Variants in RTN4RL2 observed in about 807,000 individuals in gnomAD.
RTN4RL2 encodes reticulon 4 receptor like 2.
RTN4RL2 carries 9 observed loss-of-function variants against 27.8 expected under a neutral mutation model. The ratio of observed to expected loss-of-function variants is 0.32; its 90% confidence interval spans 0.20 to 0.57. The LOEUF (loss-of-function observed/expected upper bound fraction) is 0.57. Among genes scored for constraint, RTN4RL2 ranks in the 20% least tolerant of loss-of-function variants. The pLI is 0.90. For missense variants in RTN4RL2, 436 were observed against 596.8 expected, an observed-to-expected ratio of 0.73 and a Z score of 2.81; for synonymous variants, 285 against 297.9, an observed-to-expected ratio of 0.96 and a Z score of 0.45.
At chr11:57,469,232 C>T (rs1943547194) in intron 2 of RTN4RL2, among the ~76,000 whole-genome samples, 1 of 152,216 alleles carries the variant, frequency 6.6e-6, no homozygotes, top group Admixed American at 6.5e-5. Flanking sequence ...GTGAACAGAA[C>T]AGACCAAACC....
chr11:57,465,368 A>G (rs1034566816), intron 1 of RTN4RL2, among the ~76,000 whole-genome samples: 5 of 152,200 alleles, frequency 3.3e-5, no homozygotes, highest in Admixed American at 6.5e-5. Context: ...AGCAAGTGCA[A>G]TTTGCAGCCT....
Position 57,467,644 on chromosome 11 carries a change from G to A in RTN4RL2, c.67G>A (p.Ala23Thr), listed in dbSNP as rs758798192. ...ASACLLLMLL[A>T]LPLAAPSCPM... Reference sequence around the variant, plus strand: ...GGCCTGCCTCCTGCTGATGCTCCTGGCCCTGCCCCTGGCGGCCCCCAGCTG... The same window carrying A: ...GGCCTGCCTCCTGCTGATGCTCCTGACCCTGCCCCTGGCGGCCCCCAGCTG... The change falls in exon 2 of 3, where the codon GCC (alanine) becomes ACC (threonine). Residue 23 changes from alanine to threonine, a missense_variant. This residue lies in a region of RTN4RL2 where 365 missense variants were observed against 530.5 expected (regional missense o/e 0.69). Coordinates refer to ENST00000335099, the MANE Select transcript of RTN4RL2 (RefSeq NM_178570.3). This position sits in a 1 kb window ranked among gnomAD's most constrained non-coding sequence, Gnocchi z 5.5. 8.1e-6 allele frequency: 13 copies of A among 1,610,056 alleles called. No individual in the cohort carries two copies. Among genetic ancestry groups the A allele is most frequent in the Non-Finnish European group, 1.0e-5 (12 of 1,178,754 alleles).
intron 1 of RTN4RL2, among the ~76,000 whole-genome samples, chr11:57,464,014 G>A (rs1428977372): frequency 6.6e-6 from 1 of 152,252 alleles, no homozygotes; most frequent in African/African-American, 2.4e-5. Flanking sequence ...GCTTTGCACG[G>A]CAGTGGCAAG....
chr11:57,462,672 G>C (rs536576812), intron 1 of RTN4RL2, among the ~76,000 whole-genome samples: 24 of 152,252 alleles, frequency 1.6e-4, no homozygotes, highest in Non-Finnish European at 1.0e-4. Flanking sequence ...GGTACTCCAA[G>C]GTTTGATAGC....
chr11:57,465,577 C>A (rs1943516774), intron 1 of RTN4RL2, among the ~76,000 whole-genome samples: 1 of 152,182 alleles, frequency 6.6e-6, no homozygotes, highest in Non-Finnish European at 1.5e-5. Context: ...GGTGCAGGCT[C>A]CCTTTTTCCC....
At chr11:57,468,758 A>T in intron 2 of RTN4RL2, 10 of 1,534,162 alleles carry the variant, frequency 6.5e-6, no homozygotes, top group South Asian at 1.2e-5. Context: ...CAAACCTGTC[A>T]TCTCAATGCA....
Position 57,467,598 on chromosome 11 carries a change from C to T in RTN4RL2, c.32-11C>T, listed in dbSNP as rs1395875108. 6.3e-7 allele frequency: 1 copy of T among 1,593,394 alleles called. No individual in the cohort carries two copies. Among genetic ancestry groups the T allele is most frequent in the East Asian group, 2.2e-5 (1 of 44,688 alleles). On this transcript the variant is annotated splice_polypyrimidine_tract_variant and intron_variant, in intron 1 of 2. Transcript: ENST00000335099. The surrounding 1 kb of genome is among the most constrained non-coding windows in gnomAD (Gnocchi z 5.5). ...AGCCCACCTAGTAAGTTCTGCTTCC[C>T]CTCCCCACAGCTCCCGCCTCGGCCT... is the stretch of plus-strand genomic sequence containing the variant.
At chr11:57,469,945 C>A (rs1237817893) in intron 2 of RTN4RL2, among the ~76,000 whole-genome samples, 1 of 152,192 alleles carries the variant, frequency 6.6e-6, no homozygotes, top group East Asian at 1.9e-4. Context: ...GTCTTCTCAC[C>A]ATCATGTTGA....
At chr11:57,465,990 ATT>A (rs35174184) in intron 1 of RTN4RL2, among the ~76,000 whole-genome samples, 1,158 of 77,820 alleles carry the variant, frequency 0.015, 9 homozygotes, top group African/African-American at 0.057. Flanking sequence ...CATGCCTACA[ATT>A]TTTTTTTTTT....
chr11:57,460,945 C>T (rs998126384), intron 1 of RTN4RL2, 49 bp downstream of exon 1: 5 of 1,239,858 alleles, frequency 4.0e-6, no homozygotes, highest in Non-Finnish European at 5.3e-6. Context: ...GGGAGAGAAG[C>T]AGGGCGTCCC....
chr11:57,477,107 A>G lies in RTN4RL2; in HGVS notation c.*196A>G, dbSNP rs1458366522. 2 of 521,242 alleles carry G rather than the reference A, an allele frequency of 3.8e-6. No homozygotes were observed. Among genetic ancestry groups the G allele is most frequent in the Non-Finnish European group, 6.6e-6 (2 of 305,008 alleles). 32.3% of individuals were successfully genotyped at this position (521,242 alleles called of 1,614,324 possible). On this transcript the variant is annotated 3_prime_UTR_variant, in exon 3 of 3. Coordinates refer to ENST00000335099, the MANE Select transcript of RTN4RL2 (RefSeq NM_178570.3). The stretch of plus-strand genomic sequence containing the variant: ...GCTGTCCTGACTTGTGGCAGCCCCA[A>G]GAGGGCGTGTGTGGTGGCTCAGCCC...
rs1167696903 is a variant in RTN4RL2 at position 57,476,359 on chromosome 11, C to T, written c.711C>T (p.Asn237=). ...TCACCATCCTCTACCTGTTCAACAA[C>T]AGCCTGGCCTCGCTGCCCGGCGAGG... ...SRLTILYLFN[N]SLASLPGEAL... is the part of the protein sequence containing the mutation. The change falls in exon 3 of 3, where the codon AAC becomes AAT. Residue 237 remains asparagine, a synonymous_variant. Transcript: ENST00000335099. The surrounding 1 kb of genome is among the most constrained non-coding windows in gnomAD (Gnocchi z 8.2). 5 of 1,610,800 alleles carry T rather than the reference C, an allele frequency of 3.1e-6. No homozygotes were observed. The East Asian group carries it at 8.9e-5, about 29-fold the overall frequency.
chr11:57,465,350 C>T (rs1943514659), intron 1 of RTN4RL2, among the ~76,000 whole-genome samples: 1 of 152,212 alleles, frequency 6.6e-6, no homozygotes. Context: ...CACACAAAAC[C>T]ACCACTAAGC....
intron 1 of RTN4RL2, among the ~76,000 whole-genome samples, chr11:57,464,573 T>C (rs774274253): frequency 2.3e-4 from 35 of 152,194 alleles, no homozygotes; most frequent in Non-Finnish European, 2.6e-4. Flanking sequence ...TGGCTGGGCA[T>C]CAAGAGACTT....
At chr11:57,463,633 G>A (rs1285791114) in intron 1 of RTN4RL2, among the ~76,000 whole-genome samples, 1 of 152,014 alleles carries the variant, frequency 6.6e-6, no homozygotes, top group East Asian at 1.9e-4. Flanking sequence ...TCTTGCCCCA[G>A]TCTCCACCGG....
intron 1 of RTN4RL2, among the ~76,000 whole-genome samples, chr11:57,461,565 T>C (rs1943485985): frequency 2.0e-5 from 3 of 146,934 alleles, no homozygotes; most frequent in African/African-American, 7.6e-5. Context: ...AAAGGTTAGA[T>C]GGGAAAAGCG....
rs754116484 is a variant in RTN4RL2, at chr11:57,467,939, C to G, written c.362C>G (p.Ser121Trp). The G allele has an allele frequency of 6.2e-7, 1 of 1,613,028 alleles. No homozygotes were observed. Among genetic ancestry groups the G allele is most frequent in the African/African-American group, 1.3e-5 (1 of 74,948 alleles). The change falls in exon 2 of 3, where the codon TCG becomes TGG. Residue 121 changes from serine to tryptophan, a missense_variant. Around this residue, in one of 3 missense-constraint regions of RTN4RL2, gnomAD observed 365 missense variants for 530.5 expected, o/e 0.69. Coordinates refer to ENST00000335099, the MANE Select transcript of RTN4RL2 (RefSeq NM_178570.3). The surrounding 1 kb of genome is among the most constrained non-coding windows in gnomAD (Gnocchi z 5.5). ...LDLGDNRHLR[S>W]LEPDTFQGLE... The stretch of plus-strand genomic sequence containing the variant: ...CTCGGTGACAACCGGCACCTGCGCT[C>G]GCTGGAGCCCGACACCTTCCAGGGC...
Position 57,477,190 on chromosome 11 carries a change from C to T in RTN4RL2, c.*279C>T, listed in dbSNP as rs972104814. 2 of 375,386 alleles carry T rather than the reference C, an allele frequency of 5.3e-6. No individual in the cohort carries two copies. The highest frequency in any genetic ancestry group is 8.4e-5 in the South Asian group (1 of 11,900). 23.3% of individuals were successfully genotyped at this position (375,386 alleles called of 1,614,324 possible). ...CCATCCCAAGGCTGGGGTGGGGCCC[C>T]CCAGGCAGCCGCTGACCCGCACTCC... is the stretch of plus-strand genomic sequence containing the variant. On this transcript the variant is annotated 3_prime_UTR_variant, in exon 3 of 3. Coordinates refer to ENST00000335099, the MANE Select transcript of RTN4RL2 (RefSeq NM_178570.3).
In RTN4RL2 at chr11:57,467,706, C is replaced by T. The variant is rs202097987; in HGVS notation, c.129C>T (p.Thr43=). 2.1e-4 allele frequency: 342 copies of T among 1,612,522 alleles called. 1 individual carries two copies. In the East Asian group the frequency reaches 3.9e-3, roughly 18 times the overall value. Residue 43 remains threonine, a synonymous_variant, in exon 2 of 3, where the codon ACC becomes ACT. Transcript: ENST00000335099. This position sits in a 1 kb window ranked among gnomAD's most constrained non-coding sequence, Gnocchi z 5.5. ...GCACCTGCTACTCATCCCCGCCCACCGTGAGCTGCCAGGCCAACAACTTCT... is the reference window on the plus strand; with the variant it reads ...GCACCTGCTACTCATCCCCGCCCACTGTGAGCTGCCAGGCCAACAACTTCT... The part of the protein sequence containing the change: ...MLCTCYSSPP[T]VSCQANNFSS...
Sources: allele counts gnomAD v4.1 joint callset (sites outside exome capture counted in the v4.1 genomes callset), GRCh38; gene constraint gnomAD v4.1.1; regional missense constraint gnomAD v4.1.1; non-coding constraint Gnocchi (gnomAD v3.1); transcripts MANE v1.5; gene names NCBI Gene and HGNC (gene_info 2026-07-23, HGNC 2026-07-21).